Variants in DDB2 observed in about 807,000 individuals in gnomAD.
DDB2 encodes the protein DNA damage-binding protein 2.
Under a neutral mutation model 50.5 loss-of-function variants are expected in DDB2, and 27 were observed. That is an observed-to-expected ratio of 0.53 (90% confidence interval 0.39 to 0.74). The LOEUF (loss-of-function observed/expected upper bound fraction) is 0.74. Ranked by LOEUF, DDB2 falls within the 30% of genes least tolerant of loss-of-function variation. DDB2 has a pLI of 0.00. For missense variants in DDB2, 424 were observed against 545.6 expected, an observed-to-expected ratio of 0.78 and a Z score of 2.22; for synonymous variants, 176 against 205.5, an observed-to-expected ratio of 0.86 and a Z score of 1.23.
At chr11:47,235,953 G>GA (rs1159391646) in intron 7 of DDB2, 2 of 25,248 alleles carry the variant, frequency 7.9e-5, no homozygotes, top group Non-Finnish European at 1.8e-4. Context: ...TTTTTTTCTT[G>GA]AAACGGTCTT....
rs752946218 is a variant in DDB2, at chr11:47,235,313, G to C, written c.924G>C (p.Gln308His). 3 of 1,614,194 alleles carry C rather than the reference G, an allele frequency of 1.9e-6. No individual in the cohort carries two copies. Among genetic ancestry groups the C allele is most frequent in the Non-Finnish European group, 1.7e-6 (2 of 1,180,044 alleles). The change falls in exon 7 of 10, where the codon CAG becomes CAC. Residue 308 changes from glutamine (Q) to histidine (H), a missense_variant. By Grantham distance (24) the Gln-to-His change is conservative. Coordinates refer to ENST00000256996, the MANE Select transcript of DDB2 (RefSeq NM_000107.3). ...GAGCCCGGCTCCTGACCACGGACCA[G>C]AAGAGCGAGATCCGAGTTTACTCTG... is the stretch of plus-strand genomic sequence containing the variant. ...PDGARLLTTD[Q>H]KSEIRVYSAS...
At chr11:47,228,603 A>G (rs1254086801) in intron 3 of DDB2, among the ~76,000 whole-genome samples, 3 of 150,192 alleles carry the variant, frequency 2.0e-5, no homozygotes, top group African/African-American at 7.4e-5. Context: ...AGATTGTGCC[A>G]CTGCACTCCA....
At chr11:47,216,174 T>A (rs1397411686) in intron 1 of DDB2, 162 bp from the exon 2 acceptor site, 3 of 1,062,016 alleles carry the variant, frequency 2.8e-6, no homozygotes, top group African/African-American at 1.6e-5. Flanking sequence ...CTCATTTTTT[T>A]ATTTCTGGTG....
At chr11:47,236,708 T>A (rs1953730409) in intron 7 of DDB2, among the ~76,000 whole-genome samples, 1 of 152,254 alleles carries the variant, frequency 6.6e-6, no homozygotes, top group South Asian at 2.1e-4. Context: ...CAATAAATGA[T>A]GATTGAATAT....
At chr11:47,231,119 CAAAA>C (rs139290057) in intron 3 of DDB2, among the ~76,000 whole-genome samples, 19 of 58,362 alleles carry the variant, frequency 3.3e-4, no homozygotes, top group African/African-American at 1.1e-3. Context: ...GCCTTCATCT[CAAAA>C]AAAAAAAAAA....
At chr11:47,228,970 A>AAAG (rs1554974372) in intron 3 of DDB2, among the ~76,000 whole-genome samples, 2 of 37,288 alleles carry the variant, frequency 5.4e-5, no homozygotes, top group Non-Finnish European at 2.1e-4. Flanking sequence ...AAAAAAAAAA[A>AAAG]AAAGAAATAT....
chr11:47,214,994 A>T lies in DDB2; in HGVS notation c.-143A>T. On this transcript the variant is annotated 5_prime_UTR_variant, in exon 1 of 10. An upstream start codon of the reference 5' UTR is lost. Transcript: ENST00000256996. ...AAGCTGGTTTGAACAAGCCCTGGGC[A>T]TGTTTGGCGGGAAGTTGGCTTAGCT... is the stretch of plus-strand genomic sequence containing the variant. 1 of 1,219,216 alleles carries T rather than the reference A, an allele frequency of 8.2e-7. No individual in the cohort carries two copies. The highest frequency in any genetic ancestry group is 1.2e-6 in the Non-Finnish European group (1 of 833,278). The allele number at this position is 1,219,216 out of a possible 1,614,324, so 75.5% of individuals were successfully genotyped here.
Position 47,234,950 on chromosome 11 carries a change from C to T in DDB2, c.880+16C>T, listed in dbSNP as rs1479033977. The T allele has an allele frequency of 2.5e-6, 4 of 1,613,716 alleles. No homozygotes were observed. The highest frequency in any genetic ancestry group is 2.2e-5 in the East Asian group (1 of 44,882). On this transcript the variant is annotated intron_variant, in intron 6 of 9. Coordinates refer to ENST00000256996, the MANE Select transcript of DDB2 (RefSeq NM_000107.3). ...GTCAACGCAGGTGTGATATCCCAGA[C>T]CTCATCTCTCCTGCAGACCCTGCCT... is the stretch of plus-strand genomic sequence containing the variant.
Position 47,232,979 on chromosome 11 carries a change from G to A in DDB2, c.602+20G>A, listed in dbSNP as rs56042554. The A allele has an allele frequency of 4.1e-4, 664 of 1,613,960 alleles. 3 individuals carry two copies. The African/African-American group carries it at 7.5e-3, about 18-fold the overall frequency. ...CATCAAGTGAGTAGTTTAACTAGCA[G>A]GGGAAAGGGCTTCTAAGCTTAGGTG... On this transcript the variant is annotated intron_variant, in intron 4 of 9. Transcript: ENST00000256996.
chr11:47,226,987 A>G (rs1363313491), intron 3 of DDB2, among the ~76,000 whole-genome samples: 1 of 147,762 alleles, frequency 6.8e-6, no homozygotes, highest in African/African-American at 2.5e-5. Flanking sequence ...TTTTATAGAG[A>G]TTGGATCTTG....
At chr11:47,232,327 CATAAAAATAAAA>C (rs143877183) in intron 3 of DDB2, among the ~76,000 whole-genome samples, 3 of 150,996 alleles carry the variant, frequency 2.0e-5, no homozygotes. Context: ...ATCTCAAAAA[CATAAAAATAAAA>C]ATAAAAATAA....
chr11:47,224,954 T>G (rs1297849462), intron 3 of DDB2, among the ~76,000 whole-genome samples: 1 of 152,140 alleles, frequency 6.6e-6, no homozygotes, highest in Admixed American at 6.6e-5. Context: ...TCTTTCTTTT[T>G]TGAGATGAGG....
chr11:47,221,463 AAGAC>A (rs1461839491), intron 3 of DDB2, among the ~76,000 whole-genome samples: 1 of 151,530 alleles, frequency 6.6e-6, no homozygotes, highest in African/African-American at 2.4e-5. Context: ...TTGTTTTTTT[AAGAC>A]AGAGTTTCAC....
chr11:47,222,238 T>C (rs1390080868), intron 3 of DDB2, among the ~76,000 whole-genome samples: 2 of 152,250 alleles, frequency 1.3e-5, no homozygotes, highest in African/African-American at 4.8e-5. Context: ...TCTAGAACTA[T>C]ATATAAATAG....
At position 47,216,958 on chromosome 11, in the gene DDB2, C is replaced by T. The variant is rs769321481; in HGVS notation, c.365C>T (p.Thr122Ile). Residue 122 changes from threonine (T) to isoleucine (I), a missense_variant, in exon 3 of 10, where the codon ACT becomes ATT. Thr to Ile is a moderately conservative substitution (Grantham distance 89). Transcript: ENST00000256996. The stretch of plus-strand genomic sequence containing the variant: ...GCTACATCCTTGGCGTGGCACCCAA[C>T]TCACCCCAGCACCGTGGCTGTGGGT... ...RRATSLAWHP[T>I]HPSTVAVGSK... is the part of the protein sequence containing the mutation. The T allele has an allele frequency of 1.2e-6, 2 of 1,614,106 alleles. No homozygotes were observed. Among genetic ancestry groups the T allele is most frequent in the Non-Finnish European group, 1.7e-6 (2 of 1,179,950 alleles).
In DDB2 at chr11:47,232,915, T is replaced by C. The variant is rs1405897737; in HGVS notation, c.558T>C (p.Phe186=). The change falls in exon 4 of 10, where the codon TTT becomes TTC. Residue 186 remains phenylalanine, a synonymous_variant. Transcript: ENST00000256996. ...AGGGAACAACTAGGCTGCAAGACTT[T>C]AAAGGCAACATTCTACGAGTTTTTG... The part of the protein sequence containing the change: ...SMEGTTRLQD[F]KGNILRVFAS... 6.2e-7 allele frequency: 1 copy of C among 1,614,092 alleles called. No individual in the cohort carries two copies.
At chr11:47,220,851 T>G (rs1953474790) in intron 3 of DDB2, 1 of 152,196 alleles carries the variant, frequency 6.6e-6, no homozygotes, top group Admixed American at 6.5e-5. Context: ...AGCTTAATTT[T>G]ATTCCTATTA....
At position 47,224,759 on chromosome 11, in the gene DDB2, CTT is replaced by C. The variant is rs548101985; in HGVS notation, c.456+7712_456+7713del. ...CCTCCCTCCCTCCCTCCCTTCGTTC[CTT>C]TCTCTCTCTTCTCTTCCTCTTCCTT... On this transcript the variant is annotated intron_variant, in intron 3 of 9. Coordinates refer to ENST00000256996, the MANE Select transcript of DDB2 (RefSeq NM_000107.3). Among the ~76,000 whole-genome samples, 336 of 142,934 alleles carry C rather than the reference CTT, an allele frequency of 2.4e-3. 2 individuals carry two copies. The highest frequency in any genetic ancestry group is 0.014 in the Middle Eastern group (4 of 286). 93.8% of individuals were successfully genotyped at this position (142,934 alleles called of 152,430 possible). A position where few individuals can be genotyped will look rare whatever the true frequency, so the allele number is the denominator to read the frequency against.
Position 47,237,988 on chromosome 11 carries a change from C to G in DDB2, c.1175C>G (p.Ser392Cys). Residue 392 changes from serine to cysteine, a missense_variant, in exon 8 of 10, where the codon TCT becomes TGT. Coordinates refer to ENST00000256996, the MANE Select transcript of DDB2 (RefSeq NM_000107.3). The stretch of plus-strand genomic sequence containing the variant: ...TGTCAGCTCTATGACCCAGAATCTT[C>G]TGGCATCAGTTCGGTGAGGCTTGGG... ...MMCQLYDPESSGISSLNEFNP... is the reference protein window; with the variant it reads ...MMCQLYDPESCGISSLNEFNP... The G allele has an allele frequency of 6.2e-7, 1 of 1,614,168 alleles. No homozygotes were observed. Among genetic ancestry groups the G allele is most frequent in the Admixed American group, 1.7e-5 (1 of 60,014 alleles).
Sources: allele counts gnomAD v4.1 joint callset (sites outside exome capture counted in the v4.1 genomes callset), GRCh38; gene constraint gnomAD v4.1.1; transcripts MANE v1.5; gene names NCBI Gene and HGNC (gene_info 2026-07-23, HGNC 2026-07-21).